SLC35F3: variants seen among roughly 807,000 people sequenced by gnomAD.
The protein encoded by SLC35F3 is solute carrier family 35 member F3.
SLC35F3 carries 25 observed loss-of-function variants against 49.9 expected under a neutral mutation model. The observed-to-expected ratio is 0.50, with a 90% CI of 0.37 to 0.70. The LOEUF (loss-of-function observed/expected upper bound fraction) is 0.70, where lower values mean the gene tolerates loss of function less well. Ranked by LOEUF, SLC35F3 falls within the 30% of genes least tolerant of loss-of-function variation. SLC35F3 has a pLI of 0.00. For synonymous variants in SLC35F3, 275 were observed against 265.4 expected (o/e 1.04, Z -0.35); for missense variants, 525 against 639.8 (o/e 0.82, Z 1.94).
At chr1:233,930,539 A>C (rs1662226308) in intron 2 of SLC35F3, among the ~76,000 whole-genome samples, 1 of 152,188 alleles carries the variant, frequency 6.6e-6, no homozygotes, top group Non-Finnish European at 1.5e-5. Flanking sequence ...AAAAGGCCTT[A>C]TCTCAACAGG....
intron 2 of SLC35F3, among the ~76,000 whole-genome samples, chr1:234,045,091 T>C (rs1664270296): frequency 6.6e-6 from 1 of 152,196 alleles, no homozygotes; most frequent in Admixed American, 6.5e-5. Context: ...AGCATTTAAA[T>C]AGCACCTGTC....
At position 233,976,500 on chromosome 1, in the gene SLC35F3, G is replaced by A. The variant is rs75915131; in HGVS notation, c.283+70742G>A. The stretch of plus-strand genomic sequence containing the variant: ...AACTATACATGAAGATGTACCTGTT[G>A]TTTTCTCAGTGTGTGTCCTATTTTG... On this transcript the variant is annotated intron_variant, in intron 2 of 7. Transcript: ENST00000366618. Among the ~76,000 whole-genome samples, 1,347 of 152,158 alleles carry A rather than the reference G, an allele frequency of 8.9e-3. 12 individuals are homozygous for A. Among genetic ancestry groups the A allele is most frequent in the African/African-American group, 0.027 (1,126 of 41,516 alleles).
Position 234,146,481 on chromosome 1 carries a change from C to CTTTTTT in SLC35F3, c.284-84917_284-84912dup, listed in dbSNP as rs869146212. On this transcript the variant is annotated intron_variant, in intron 2 of 7. Coordinates refer to ENST00000366618, the MANE Select transcript of SLC35F3 (RefSeq NM_173508.4). ...AATAAAAGTTACCAAGATATTTGCT[C>CTTTTTT]TTTTTTTTTTTTTTTTTTTTTTTTC... 3.9e-3 allele frequency among the ~76,000 whole-genome samples: 291 copies of CTTTTTT among 74,030 alleles called. 20 individuals are homozygous for CTTTTTT. The highest frequency in any genetic ancestry group is 0.017 in the African/African-American group (272 of 16,022). The allele number at this position is 74,030 out of a possible 152,430, so 48.6% of individuals were successfully genotyped here.
intron 2 of SLC35F3, among the ~76,000 whole-genome samples, chr1:234,013,305 C>A (rs539147589): frequency 1.3e-5 from 2 of 151,990 alleles, no homozygotes; most frequent in East Asian, 3.9e-4. Flanking sequence ...GCAAAAACAA[C>A]CTACAGGATG....
At chr1:233,920,927 C>T (rs1046945328) in intron 2 of SLC35F3, among the ~76,000 whole-genome samples, 3 of 152,202 alleles carry the variant, frequency 2.0e-5, no homozygotes, top group African/African-American at 7.2e-5. Flanking sequence ...TGATTGAGCT[C>T]CTGGATGGAA....
chr1:234,198,759 G>T (rs1273817361), intron 2 of SLC35F3, among the ~76,000 whole-genome samples: 2 of 152,082 alleles, frequency 1.3e-5, no homozygotes, highest in Non-Finnish European at 2.9e-5. Flanking sequence ...TTTTTGTGGT[G>T]AGAATGTAAA....
chr1:234,252,993 A>G (rs1162885700), intron 3 of SLC35F3, among the ~76,000 whole-genome samples: 2 of 152,322 alleles, frequency 1.3e-5, no homozygotes, highest in East Asian at 3.9e-4. Context: ...ACAATCAGGA[A>G]CTGGCTAAAG....
At chr1:234,309,740 G>A (rs1312574056) in intron 4 of SLC35F3, among the ~76,000 whole-genome samples, 1 of 152,240 alleles carries the variant, frequency 6.6e-6, no homozygotes, top group Non-Finnish European at 1.5e-5. Context: ...GGGTGAGGAT[G>A]TGCGTGAAAC....
At chr1:234,010,027 C>G (rs1663691597) in intron 2 of SLC35F3, among the ~76,000 whole-genome samples, 1 of 152,008 alleles carries the variant, frequency 6.6e-6, no homozygotes, top group South Asian at 2.1e-4. Context: ...ATAAAACATA[C>G]AAAAATATAA....
At chr1:234,216,018 T>C (rs1175483359) in intron 2 of SLC35F3, among the ~76,000 whole-genome samples, 1 of 152,192 alleles carries the variant, frequency 6.6e-6, no homozygotes, top group African/African-American at 2.4e-5. Flanking sequence ...CTTGTGGCTG[T>C]CTTCTTCTCT....
At chr1:233,964,273 G>A (rs2102813424) in intron 2 of SLC35F3, among the ~76,000 whole-genome samples, 1 of 152,332 alleles carries the variant, frequency 6.6e-6, no homozygotes, top group Non-Finnish European at 1.5e-5. Flanking sequence ...AAGAGGGGTA[G>A]ATGTGAGGCG....
chr1:234,161,662 G>A (rs7529222), intron 2 of SLC35F3, among the ~76,000 whole-genome samples: 1 of 151,950 alleles, frequency 6.6e-6, no homozygotes, highest in East Asian at 1.9e-4. Flanking sequence ...AAAACTTAGC[G>A]AGGTGTGGTG....
intron 4 of SLC35F3, 61 bp downstream of exon 4, chr1:234,309,381 T>C (rs977835186): frequency 2.8e-5 from 41 of 1,450,782 alleles, no homozygotes; most frequent in Non-Finnish European, 3.7e-5. Context: ...AACCTGCCCA[T>C]CGGCTTGCTT....
intron 2 of SLC35F3, among the ~76,000 whole-genome samples, chr1:233,980,131 C>T (rs1050110070): frequency 5.3e-5 from 8 of 152,216 alleles, no homozygotes; most frequent in African/African-American, 1.9e-4. Context: ...CACACACAGC[C>T]TTGTGAAGAA....
At chr1:234,223,051 C>T (rs1378330565) in intron 2 of SLC35F3, among the ~76,000 whole-genome samples, 1 of 152,166 alleles carries the variant, frequency 6.6e-6, no homozygotes, top group Non-Finnish European at 1.5e-5. Flanking sequence ...TGCTTCCTCC[C>T]AAGAGGAGGC....
At chr1:234,243,417 A>G (rs536280014) in intron 3 of SLC35F3, among the ~76,000 whole-genome samples, 50 of 152,336 alleles carry the variant, frequency 3.3e-4, no homozygotes, top group African/African-American at 1.2e-3. Flanking sequence ...TTATTATTAG[A>G]TAACCGACTG....
chr1:233,948,553 T>C (rs1441415113), intron 2 of SLC35F3, among the ~76,000 whole-genome samples: 1 of 151,750 alleles, frequency 6.6e-6, no homozygotes, highest in Non-Finnish European at 1.5e-5. Flanking sequence ...TTTCTTTTTT[T>C]TTTTTCTTTT....
rs1357423876 is a variant in SLC35F3, at chr1:234,080,726, G to T, written c.284-150691G>T. Among the ~76,000 whole-genome samples the T allele has an allele frequency of 2.0e-5, 3 of 152,152 alleles. No homozygotes were observed. The East Asian group carries it at 5.8e-4, about 29-fold the overall frequency. On this transcript the variant is annotated intron_variant, in intron 2 of 7. Coordinates refer to ENST00000366618, the MANE Select transcript of SLC35F3 (RefSeq NM_173508.4). ...TAAAATAGACAAATCCATACAGAAA[G>T]AAAGTAGGTTAGTGGTTGCCAGGGA...
intron 2 of SLC35F3, among the ~76,000 whole-genome samples, chr1:234,143,220 C>G (rs1294490034): frequency 6.6e-6 from 1 of 151,972 alleles, no homozygotes; most frequent in Admixed American, 6.6e-5. Flanking sequence ...TCCCTACTCT[C>G]CCTGACTCTA....
Sources: allele counts gnomAD v4.1 joint callset (sites outside exome capture counted in the v4.1 genomes callset), GRCh38; gene constraint gnomAD v4.1.1; transcripts MANE v1.5; gene names NCBI Gene and HGNC (gene_info 2026-07-23, HGNC 2026-07-21).